Variants in OR2T33 observed in about 807,000 individuals in gnomAD.
OR2T33 encodes the protein olfactory receptor family 2 subfamily T member 33, also known as olfactory receptor 2T33.
In OR2T33, 10 loss-of-function variants were observed where a neutral mutation model predicts 14.0. The observed-to-expected ratio is 0.72, with a 90% CI of 0.44 to 1.22. The LOEUF is 1.22. OR2T33 is among the 50% of genes most tolerant of loss of function. The pLI is 0.00. For synonymous variants in OR2T33, 103 were observed against 159.4 expected (o/e 0.65, Z 2.66); for missense variants, 276 against 405.9 (o/e 0.68, Z 2.75).
rs1572822094 is a variant in OR2T33, at chr1:248,273,806, C to T, written c.9G>A (p.Met3Ile). The T allele has an allele frequency of 2.5e-6, 4 of 1,608,744 alleles. No homozygotes were observed. The highest frequency in any genetic ancestry group is 1.1e-5 in the South Asian group (1 of 90,736). The change falls in exon 2 of 2, where the codon ATG (methionine) becomes ATA (isoleucine). Residue 3 changes from methionine (M) to isoleucine (I), a missense_variant. By Grantham distance (10) the Met-to-Ile change is conservative (BLOSUM62 1). Coordinates refer to ENST00000641220, the MANE Select transcript of OR2T33 (RefSeq NM_001004695.2). Reference protein sequence around the residue: MEMRNTTPDFILL... With the variant: MEIRNTTPDFILL... ...GAATAAAATCTGGGGTAGTATTTCT[C>T]ATCTCCATAATTTCCCCTGGTGTGA...
rs755566300 is a variant in OR2T33 at position 248,273,642 on chromosome 1, T to C, written c.173A>G (p.Tyr58Cys). Residue 58 changes from tyrosine to cysteine, a missense_variant, in exon 2 of 2, where the codon TAC becomes TGC. By Grantham distance (194) the Tyr-to-Cys change is radical. Transcript: ENST00000641220. ...HWDHRLHTPM[Y>C]FLLSQLSLMD... The stretch of plus-strand genomic sequence containing the variant: ...GAGGGAAAGTTGGCTCAGGAGGAAG[T>C]ACATGGGCGTGTGGAGCCGGTGGTC... 6.2e-7 allele frequency: 1 copy of C among 1,613,776 alleles called. No homozygotes were observed. Among genetic ancestry groups the C allele is most frequent in the African/African-American group, 1.3e-5 (1 of 74,952 alleles).
At position 248,273,565 on chromosome 1, in the gene OR2T33, A is replaced by C; in HGVS notation, c.250T>G (p.Leu84Val). ...TTVPKMAADY[L>V]TGSKAISRAG... is the part of the protein sequence containing the mutation. The stretch of plus-strand genomic sequence containing the variant: ...CGGGAGATGGCCTTACTTCCGGTCA[A>C]GTAGTCAGCCGCCATTTTGGGCACA... The change falls in exon 2 of 2, where the codon TTG (leucine) becomes GTG (valine). Residue 84 changes from leucine (L) to valine (V), a missense_variant. Leu to Val is a conservative substitution (Grantham distance 32). Coordinates refer to ENST00000641220, the MANE Select transcript of OR2T33 (RefSeq NM_001004695.2). The C allele has an allele frequency of 6.2e-7, 1 of 1,612,536 alleles. No homozygotes were observed. The highest frequency in any genetic ancestry group is 8.5e-7 in the Non-Finnish European group (1 of 1,179,868).
chr1:248,277,050 TTAAA>T (rs1659455344), intron 1 of OR2T33, among the ~76,000 whole-genome samples: 1 of 151,214 alleles, frequency 6.6e-6, no homozygotes, highest in Admixed American at 6.6e-5. Context: ...TTCTAAGCTA[TTAAA>T]TAGGATAGCT....
chr1:248,272,681 TA>T lies in OR2T33; in HGVS notation c.*170del. The T allele has an allele frequency of 1.1e-6, 1 of 877,218 alleles. No homozygotes were observed. Among genetic ancestry groups the T allele is most frequent in the Non-Finnish European group, 1.7e-6 (1 of 586,242 alleles). The allele number at this position is 877,218 out of a possible 1,614,324, so 54.3% of individuals were successfully genotyped here. A position where few individuals can be genotyped will look rare whatever the true frequency, so the allele number is the denominator to read the frequency against. Reference sequence around the variant, plus strand: ...ACTACTTCACTTGAAGAAAAGTACATAAATGCTAAAAATGGTATCTCTCAAT... The same window carrying T: ...ACTACTTCACTTGAAGAAAAGTACATAATGCTAAAAATGGTATCTCTCAAT... On this transcript the variant is annotated 3_prime_UTR_variant, in exon 2 of 2. Coordinates refer to ENST00000641220, the MANE Select transcript of OR2T33 (RefSeq NM_001004695.2).
Position 248,271,941 on chromosome 1 carries a change from A to C in OR2T33, c.*911T>G, listed in dbSNP as rs1659377403. The C allele has an allele frequency of 6.6e-6, 1 of 152,138 alleles. No individual in the cohort carries two copies. The highest frequency in any genetic ancestry group is 6.5e-5 in the Admixed American group (1 of 15,276). 9.4% of individuals were successfully genotyped at this position (152,138 alleles called of 1,614,324 possible). On this transcript the variant is annotated 3_prime_UTR_variant, in exon 2 of 2. Coordinates refer to ENST00000641220, the MANE Select transcript of OR2T33 (RefSeq NM_001004695.2). ...GTTTTGCAAACCCCAGATCTTTAGA[A>C]GGTGTCCCAAATTTTTCAACAGAAA...
chr1:248,273,348 A>T lies in OR2T33; in HGVS notation c.467T>A (p.Leu156Gln). 1 of 1,612,052 alleles carries T rather than the reference A, an allele frequency of 6.2e-7. No individual in the cohort carries two copies. The highest frequency in any genetic ancestry group is 8.5e-7 in the Non-Finnish European group (1 of 1,179,878). ...CWLLGAADGLLQAVVTLSFPY... is the reference protein window; with the variant it reads ...CWLLGAADGLQQAVVTLSFPY... Reference sequence around the variant, plus strand: ...GAAGCTCAGGGTAACAACAGCCTGCAGGAGCCCGTCAGCTGCACCCAGGAG... The same window carrying T: ...GAAGCTCAGGGTAACAACAGCCTGCTGGAGCCCGTCAGCTGCACCCAGGAG... The change falls in exon 2 of 2, where the codon CTG (leucine) becomes CAG (glutamine). Residue 156 changes from leucine (L) to glutamine (Q), a missense_variant. By Grantham distance (113) the Leu-to-Gln change is moderately radical (BLOSUM62 -2). Transcript: ENST00000641220.
intron 1 of OR2T33, among the ~76,000 whole-genome samples, chr1:248,275,929 A>G (rs532680125): frequency 1.3e-5 from 2 of 152,208 alleles, no homozygotes; most frequent in East Asian, 1.9e-4. Flanking sequence ...CTGTCATTTT[A>G]TATTATGATA....
In OR2T33 at chr1:248,271,388, C is replaced by T. The variant is rs1262146170; in HGVS notation, c.*1464G>A. On this transcript the variant is annotated 3_prime_UTR_variant, in exon 2 of 2. Transcript: ENST00000641220. The stretch of plus-strand genomic sequence containing the variant: ...TTTGTGCAGTTCTGCTCCTTTCTCA[C>T]CCTAACACTGGGTAAGGAGATAAAA... 8.5e-6 allele frequency: 1 copy of T among 118,004 alleles called. No homozygotes were observed. The highest frequency in any genetic ancestry group is 3.3e-5 in the African/African-American group (1 of 29,880). The allele number at this position is 118,004 out of a possible 1,614,324, so 7.3% of individuals were successfully genotyped here.
intron 1 of OR2T33, 136 bp from the exon 2 acceptor site, chr1:248,273,958 G>T: frequency 1.6e-6 from 2 of 1,237,934 alleles, no homozygotes; most frequent in Non-Finnish European, 2.3e-6. Context: ...CTAACTCCCA[G>T]TGAGCATGGC....
chr1:248,272,671 G>T lies in OR2T33; in HGVS notation c.*181C>A. ...ATCCATAGATACTACTTCACTTGAA[G>T]AAAAGTACATAAATGCTAAAAATGG... On this transcript the variant is annotated 3_prime_UTR_variant, in exon 2 of 2. Transcript: ENST00000641220. The T allele has an allele frequency of 1.3e-6, 1 of 799,282 alleles. No individual in the cohort carries two copies. The allele number at this position is 799,282 out of a possible 1,614,324, so 49.5% of individuals were successfully genotyped here.
Position 248,272,796 on chromosome 1 carries a change from T to A in OR2T33, c.*56A>T. On this transcript the variant is annotated 3_prime_UTR_variant, in exon 2 of 2. Transcript: ENST00000641220. ...TGCATGAATTGCTAAAGGGAGAGAA[T>A]AACAATGTGTTAAAATATTAATAAA... is the stretch of plus-strand genomic sequence containing the variant. 6.5e-7 allele frequency: 1 copy of A among 1,539,998 alleles called. No homozygotes were observed.
chr1:248,275,755 GT>G (rs1322578363), intron 1 of OR2T33, among the ~76,000 whole-genome samples: 2 of 150,192 alleles, frequency 1.3e-5, no homozygotes, highest in African/African-American at 4.9e-5. Context: ...AAAATCACCT[GT>G]GTCTAGTCAG....
rs1247849510 is a variant in OR2T33 at position 248,271,762 on chromosome 1, T to G, written c.*1090A>C. 2 of 152,354 alleles carry G rather than the reference T, an allele frequency of 1.3e-5. No homozygotes were observed. Among genetic ancestry groups the G allele is most frequent in the Admixed American group, 6.5e-5 (1 of 15,308 alleles). 9.4% of individuals were successfully genotyped at this position (152,354 alleles called of 1,614,324 possible). On this transcript the variant is annotated 3_prime_UTR_variant, in exon 2 of 2. Coordinates refer to ENST00000641220, the MANE Select transcript of OR2T33 (RefSeq NM_001004695.2). ...TAAAACTTATATTATTTCTTAAGTG[T>G]GTTTTACATACAGGAAATATAGCCT...
chr1:248,276,056 C>T (rs548459656), intron 1 of OR2T33, among the ~76,000 whole-genome samples: 6 of 152,194 alleles, frequency 3.9e-5, no homozygotes, highest in South Asian at 2.1e-4. Context: ...GGGATGGTTT[C>T]GGGATGATAC....
At chr1:248,273,875 T>G in intron 1 of OR2T33, 53 bp from the exon 2 acceptor site, 2 of 1,558,982 alleles carry the variant, frequency 1.3e-6, no homozygotes, top group South Asian at 2.5e-5. Context: ...TTTTATGGTC[T>G]GAATAACTGT....
chr1:248,273,535 C>T lies in OR2T33; in HGVS notation c.280G>A (p.Gly94Ser). ...AGGAAGAAGATCTGCACACCACAGC[C>T]AGCGCGGGAGATGGCCTTACTTCCG... ...LTGSKAISRA[G>S]CGVQIFFLPT... The change falls in exon 2 of 2, where the codon GGC becomes AGC. Residue 94 changes from glycine (G) to serine (S), a missense_variant. Transcript: ENST00000641220. The T allele has an allele frequency of 6.2e-7, 1 of 1,612,844 alleles. No homozygotes were observed. The highest frequency in any genetic ancestry group is 8.5e-7 in the Non-Finnish European group (1 of 1,179,882).
At chr1:248,276,729 A>G (rs1265912305) in intron 1 of OR2T33, among the ~76,000 whole-genome samples, 1 of 152,158 alleles carries the variant, frequency 6.6e-6, no homozygotes, top group Non-Finnish European at 1.5e-5. Flanking sequence ...TATGATGTAT[A>G]ATATTGTTAT....
In OR2T33 at chr1:248,272,049, T is replaced by C. The variant is rs1659378620; in HGVS notation, c.*803A>G. On this transcript the variant is annotated 3_prime_UTR_variant, in exon 2 of 2. Transcript: ENST00000641220. ...GTTGTTGAGTGTTACTCAGTTTTGA[T>C]AATTCATTGTTAGTAACTGTCAAGA... The C allele has an allele frequency of 6.6e-6, 1 of 152,220 alleles. No homozygotes were observed. The highest frequency in any genetic ancestry group is 2.1e-4 in the South Asian group (1 of 4,836). 9.4% of individuals were successfully genotyped at this position (152,220 alleles called of 1,614,324 possible).
At position 248,277,745 on chromosome 1, in the gene OR2T33, C is replaced by T. The variant is rs528662074; in HGVS notation, c.-9+20G>A. 3 of 152,188 alleles carry T rather than the reference C, an allele frequency of 2.0e-5. No individual in the cohort carries two copies. In the East Asian group the frequency reaches 5.8e-4, roughly 29 times the overall value. The allele number at this position is 152,188 out of a possible 1,614,324, so 9.4% of individuals were successfully genotyped here. A position where few individuals can be genotyped will look rare whatever the true frequency, so the allele number is the denominator to read the frequency against. On this transcript the variant is annotated intron_variant, in intron 1 of 1. Coordinates refer to ENST00000641220, the MANE Select transcript of OR2T33 (RefSeq NM_001004695.2). ...TGCCTAAAGTAAAGGAAAAATAATTCTCAAACAAATTAGACTCACCTTTGT... is the reference window on the plus strand; with the variant it reads ...TGCCTAAAGTAAAGGAAAAATAATTTTCAAACAAATTAGACTCACCTTTGT...
Sources: gnomAD v4.1 joint callset for allele counts (sites outside exome capture counted in the v4.1 genomes callset) on GRCh38, gnomAD v4.1.1 for gene constraint, MANE v1.5 for transcripts, NCBI Gene and HGNC (gene_info 2026-07-23, HGNC 2026-07-21) for gene names.